CTNNA2: variants seen among roughly 807,000 people sequenced by gnomAD.
CTNNA2 encodes the protein catenin alpha-2.
A neutral mutation model predicts 101.0 loss-of-function variants in CTNNA2; 42 were observed. That is an observed-to-expected ratio of 0.42 (90% CI 0.32 to 0.54). The LOEUF (loss-of-function observed/expected upper bound fraction) is 0.54, where lower values mean the gene tolerates loss of function less well. Among genes scored for constraint, CTNNA2 ranks in the 20% least tolerant of loss-of-function variants. CTNNA2 has a pLI of 0.14. For missense variants in CTNNA2, 871 were observed against 1,223.1 expected (o/e 0.71, Z 4.29); for synonymous variants, 450 against 456.4 (o/e 0.99, Z 0.18).
rs11380184 is a variant in CTNNA2, at chr2:80,614,978, AT to A, written c.2431-4097del. On this transcript the variant is annotated intron_variant, in intron 17 of 18. Coordinates refer to ENST00000402739, the MANE Select transcript of CTNNA2 (RefSeq NM_001282597.3). ...GAATTGGTTACTTAAATGCATTGTG[AT>A]TTTTTTTTTCTTGTTTCTACTGGGG... 5.3e-3 allele frequency among the ~76,000 whole-genome samples: 793 copies of A among 149,958 alleles called. 10 individuals are homozygous for A. Among genetic ancestry groups the A allele is most frequent in the African/African-American group, 0.017 (700 of 41,062 alleles).
intron 6 of CTNNA2, among the ~76,000 whole-genome samples, chr2:79,888,619 T>C (rs907962925): frequency 6.6e-6 from 1 of 152,204 alleles, no homozygotes; most frequent in African/African-American, 2.4e-5. Context: ...TTGCAATTTA[T>C]ATCTTGATTT....
At chr2:80,448,557 G>A (rs796359344) in intron 9 of CTNNA2, among the ~76,000 whole-genome samples, 13 of 152,298 alleles carry the variant, frequency 8.5e-5, no homozygotes, top group African/African-American at 3.1e-4. Flanking sequence ...CATTCAGTCT[G>A]GGCTGGGGCC....
At chr2:80,627,699 TTC>T (rs1558657803) in intron 18 of CTNNA2, among the ~76,000 whole-genome samples, 1 of 151,900 alleles carries the variant, frequency 6.6e-6, no homozygotes, top group Admixed American at 6.6e-5. Flanking sequence ...TGTGCAGAAG[TTC>T]ATTAGTTTAA....
chr2:80,586,731 CTT>C (rs1186176481), intron 14 of CTNNA2, among the ~76,000 whole-genome samples: 10 of 152,074 alleles, frequency 6.6e-5, no homozygotes, highest in Admixed American at 2.0e-4. Flanking sequence ...TTTTAGATAT[CTT>C]AATAGTATTC....
chr2:80,629,568 C>T (rs766810223), intron 18 of CTNNA2, among the ~76,000 whole-genome samples: 1 of 152,100 alleles, frequency 6.6e-6, no homozygotes, highest in Non-Finnish European at 1.5e-5. Flanking sequence ...AAAGAGAAAC[C>T]TATAGGCTAT....
intron 4 of CTNNA2, among the ~76,000 whole-genome samples, chr2:79,405,025 C>T (rs1310050321): frequency 6.6e-6 from 1 of 151,984 alleles, no homozygotes; most frequent in Non-Finnish European, 1.5e-5. Context: ...TAATTTGCTT[C>T]TAACCAATAG....
chr2:80,384,993 T>C (rs1007511889), intron 7 of CTNNA2, among the ~76,000 whole-genome samples: 3 of 152,306 alleles, frequency 2.0e-5, no homozygotes, highest in African/African-American at 4.8e-5. Context: ...TAGAAACTTA[T>C]GGCTTTAAGT....
rs1181613246 is a variant in CTNNA2, at chr2:80,225,945, C to T, written c.1057-167266C>T. 5.9e-5 allele frequency among the ~76,000 whole-genome samples: 9 copies of T among 152,260 alleles called. No individual in the cohort carries two copies. The East Asian group carries it at 1.7e-3, about 29-fold the overall frequency. On this transcript the variant is annotated intron_variant, in intron 7 of 18. Coordinates refer to ENST00000402739, the MANE Select transcript of CTNNA2 (RefSeq NM_001282597.3). ...AAAATACTGATTAGATACTAGGAGC[C>T]ATTCTTGATCTCAATTCAGAAAGAG...
chr2:80,108,154 A>G (rs370437162), intron 7 of CTNNA2, among the ~76,000 whole-genome samples: 1 of 152,324 alleles, frequency 6.6e-6, no homozygotes, highest in South Asian at 2.1e-4. Flanking sequence ...AAACCAAAGG[A>G]ATGAAACATC....
In CTNNA2 at chr2:79,606,392, C is replaced by T. The variant is rs551157574; in HGVS notation, c.-5-45160C>T. The stretch of plus-strand genomic sequence containing the variant: ...ATGCCATTCTCCTGCCTCAGCCTCC[C>T]GAGTAGCTGGGACTACAGACACCCG... On this transcript the variant is annotated intron_variant, in intron 1 of 18. Coordinates refer to ENST00000402739, the MANE Select transcript of CTNNA2 (RefSeq NM_001282597.3). Among the ~76,000 whole-genome samples the T allele has an allele frequency of 9.0e-4, 137 of 152,186 alleles. 1 individual carries two copies. In the South Asian group the frequency reaches 0.013, roughly 15 times the overall value.
Position 79,678,558 on chromosome 2 carries a change from G to A in CTNNA2, c.102+26900G>A, listed in dbSNP as rs955250025. On this transcript the variant is annotated intron_variant, in intron 2 of 18. Transcript: ENST00000402739. ...TCAAACAAACAAAAAAAAAAAAAAA[G>A]AAAAAGTCTCTATCCCCATAGTTTC... Among the ~76,000 whole-genome samples, 330 of 145,894 alleles carry A rather than the reference G, an allele frequency of 2.3e-3. 1 individual carries two copies. The highest frequency in any genetic ancestry group is 7.1e-3 in the Middle Eastern group (2 of 282).
chr2:80,036,608 G>GA (rs993984369), intron 7 of CTNNA2, among the ~76,000 whole-genome samples: 2 of 151,814 alleles, frequency 1.3e-5, no homozygotes, highest in Admixed American at 6.6e-5. Context: ...CTGTCTTAGT[G>GA]AAAAAAATAG....
chr2:79,521,155 TATATATATATATA>T (rs1672096971), intron 1 of CTNNA2, among the ~76,000 whole-genome samples: 1 of 112,290 alleles, frequency 8.9e-6, no homozygotes, highest in African/African-American at 3.1e-5. Flanking sequence ...TATATATATA[TATATATATATATA>T]AATTTTAAGG....
At chr2:80,488,820 C>G (rs551875773) in intron 9 of CTNNA2, among the ~76,000 whole-genome samples, 1 of 152,108 alleles carries the variant, frequency 6.6e-6, no homozygotes, top group Admixed American at 6.5e-5. Context: ...ATAAATCAAC[C>G]ATTAAATTCA....
chr2:79,567,094 G>T (rs1675165812), intron 1 of CTNNA2, among the ~76,000 whole-genome samples: 1 of 152,146 alleles, frequency 6.6e-6, no homozygotes, highest in African/African-American at 2.4e-5. Flanking sequence ...GGAAGTAAAT[G>T]ATTCTCTTGG....
intron 18 of CTNNA2, among the ~76,000 whole-genome samples, chr2:80,633,553 C>T (rs891636224): frequency 6.6e-6 from 1 of 152,162 alleles, no homozygotes; most frequent in Non-Finnish European, 1.5e-5. Flanking sequence ...TAAATGGCAT[C>T]AATAGCCAGG....
At chr2:79,829,408 CACACACAGACACAA>C (rs1324552071) in intron 3 of CTNNA2, among the ~76,000 whole-genome samples, 89 of 129,526 alleles carry the variant, frequency 6.9e-4, no homozygotes, top group African/African-American at 2.2e-3. Context: ...CACACACACA[CACACACAGACACAA>C]AGCCGGGCGA....
chr2:79,568,858 CAAAAAAAAAAAAAA>C (rs540965419), intron 1 of CTNNA2, among the ~76,000 whole-genome samples: 2 of 68,982 alleles, frequency 2.9e-5, no homozygotes, highest in African/African-American at 1.4e-4. Flanking sequence ...TCTGTTTCTA[CAAAAAAAAAAAAAA>C]AAAAAAAAAA....
intron 7 of CTNNA2, among the ~76,000 whole-genome samples, chr2:80,243,000 A>G (rs1372381353): frequency 6.6e-6 from 1 of 152,168 alleles, no homozygotes; most frequent in Non-Finnish European, 1.5e-5. Context: ...CACAGGCCCA[A>G]ATGCAGATCA....
Sources: gnomAD v4.1 joint callset for allele counts (sites outside exome capture counted in the v4.1 genomes callset) on GRCh38, gnomAD v4.1.1 for gene constraint, MANE v1.5 for transcripts, NCBI Gene and HGNC (gene_info 2026-07-23, HGNC 2026-07-21) for gene names.